CAMKMT: variants seen among roughly 807,000 people sequenced by gnomAD.
CAMKMT encodes CaM KMT.
A neutral mutation model predicts 48.0 loss-of-function variants in CAMKMT; 53 were observed. That is an observed-to-expected ratio of 1.10 (90% CI 0.89 to 1.39). The LOEUF (loss-of-function observed/expected upper bound fraction) is 1.39, where lower values mean the gene tolerates loss of function less well. Among genes scored for constraint, CAMKMT ranks in the 40% most tolerant of loss-of-function variants. CAMKMT has a pLI of 0.00. For synonymous variants in CAMKMT, 165 were observed against 152.3 expected, an observed-to-expected ratio of 1.08 and a Z score of -0.61; for missense variants, 428 against 402.7, an observed-to-expected ratio of 1.06 and a Z score of -0.54.
At chr2:44,732,420 A>G (rs1404092154) in intron 7 of CAMKMT, among the ~76,000 whole-genome samples, 2 of 152,380 alleles carry the variant, frequency 1.3e-5, no homozygotes, top group South Asian at 4.1e-4. Context: ...GTGTCAGTGT[A>G]ATTACAAGCA....
chr2:44,424,821 C>G (rs1039995197), intron 3 of CAMKMT, among the ~76,000 whole-genome samples: 1 of 152,132 alleles, frequency 6.6e-6, no homozygotes, highest in African/African-American at 2.4e-5. Flanking sequence ...GTGTATACTG[C>G]TCGGGTGATG....
At chr2:44,547,667 C>T (rs1308057651) in intron 3 of CAMKMT, among the ~76,000 whole-genome samples, 1 of 152,120 alleles carries the variant, frequency 6.6e-6, no homozygotes, top group East Asian at 1.9e-4. Flanking sequence ...GTCTGGAATA[C>T]CCAGGTTCAA....
In CAMKMT at chr2:44,448,400, T is replaced by A. The variant is rs1667117673; in HGVS notation, c.376+58095T>A. 2.0e-5 allele frequency among the ~76,000 whole-genome samples: 3 copies of A among 152,356 alleles called. No individual in the cohort carries two copies. The South Asian group carries it at 6.2e-4, about 32-fold the overall frequency. On this transcript the variant is annotated intron_variant, in intron 3 of 10. Transcript: ENST00000378494. ...TACCTGTCCACTTCCCTAGAGGGTC[T>A]TCAATTCTGTACTACAATAAATGGT... is the stretch of plus-strand genomic sequence containing the variant.
intron 3 of CAMKMT, among the ~76,000 whole-genome samples, chr2:44,616,561 G>T (rs1417768014): frequency 2.0e-5 from 3 of 151,902 alleles, no homozygotes; most frequent in African/African-American, 7.3e-5. Context: ...ACCAGAAAAG[G>T]TGATCATTTC....
chr2:44,700,677 T>G (rs1211945669), intron 3 of CAMKMT, among the ~76,000 whole-genome samples: 2 of 152,122 alleles, frequency 1.3e-5, no homozygotes, highest in Non-Finnish European at 2.9e-5. Flanking sequence ...CCAAAACAAT[T>G]ACCATAGTAA....
chr2:44,591,258 A>C (rs1169804980), intron 3 of CAMKMT, among the ~76,000 whole-genome samples: 3 of 152,066 alleles, frequency 2.0e-5, no homozygotes, highest in Non-Finnish European at 4.4e-5. Context: ...GTTCCATATG[A>C]ACTTTAAAGT....
At chr2:44,606,554 A>G (rs6759187) in intron 3 of CAMKMT, among the ~76,000 whole-genome samples, 2 of 152,078 alleles carry the variant, frequency 1.3e-5, no homozygotes, top group African/African-American at 4.8e-5. Flanking sequence ...AGAAGATGAT[A>G]TGGTGAGCTT....
chr2:44,591,566 G>A (rs1670276433), intron 3 of CAMKMT, among the ~76,000 whole-genome samples: 1 of 152,160 alleles, frequency 6.6e-6, no homozygotes, highest in African/African-American at 2.4e-5. Context: ...GTCTGTTATT[G>A]GTGCTGGAGA....
At chr2:44,714,458 G>A (rs1225241406) in intron 6 of CAMKMT, among the ~76,000 whole-genome samples, 2 of 152,152 alleles carry the variant, frequency 1.3e-5, no homozygotes, top group Non-Finnish European at 2.9e-5. Context: ...AGTCTGTAAA[G>A]ACAGTTCTTC....
intron 3 of CAMKMT, among the ~76,000 whole-genome samples, chr2:44,475,464 C>T (rs1341686844): frequency 6.6e-6 from 1 of 151,936 alleles, no homozygotes; most frequent in Non-Finnish European, 1.5e-5. Flanking sequence ...ATTACAGGTG[C>T]GTGCCACCAC....
intron 3 of CAMKMT, among the ~76,000 whole-genome samples, chr2:44,531,751 T>G (rs1666496272): frequency 1.3e-5 from 2 of 152,206 alleles, no homozygotes; most frequent in Non-Finnish European, 2.9e-5. Flanking sequence ...GATAAACCTT[T>G]GAATCTCATG....
chr2:44,665,577 G>A (rs1674921609), intron 3 of CAMKMT, among the ~76,000 whole-genome samples: 1 of 152,170 alleles, frequency 6.6e-6, no homozygotes, highest in African/African-American at 2.4e-5. Flanking sequence ...TTCCTGGATG[G>A]TTGATCAGAT....
intron 3 of CAMKMT, among the ~76,000 whole-genome samples, chr2:44,403,861 TA>T (rs1415104124): frequency 6.6e-6 from 1 of 152,216 alleles, no homozygotes; most frequent in East Asian, 1.9e-4. Context: ...TGTATTGAGA[TA>T]AATCACCAAG....
intron 8 of CAMKMT, among the ~76,000 whole-genome samples, 171 bp downstream of exon 8, chr2:44,743,867 C>G (rs557179616): frequency 6.6e-6 from 1 of 152,330 alleles, no homozygotes; most frequent in South Asian, 2.1e-4. Flanking sequence ...AGGTAGTCTT[C>G]TATCACACAG....
intron 3 of CAMKMT, among the ~76,000 whole-genome samples, chr2:44,460,666 T>G (rs1667799691): frequency 6.6e-6 from 1 of 151,348 alleles, no homozygotes; most frequent in South Asian, 2.1e-4. Flanking sequence ...ACAGGGGAGG[T>G]AATAAACTAG....
intron 3 of CAMKMT, among the ~76,000 whole-genome samples, chr2:44,630,638 A>T (rs1183631564): frequency 1.3e-5 from 2 of 152,012 alleles, no homozygotes; most frequent in Non-Finnish European, 2.9e-5. Context: ...CAAAAAACAC[A>T]TGAAAAAATG....
intron 3 of CAMKMT, among the ~76,000 whole-genome samples, chr2:44,409,863 A>G (rs561711115): frequency 8.5e-5 from 13 of 152,276 alleles, no homozygotes; most frequent in Non-Finnish European, 1.6e-4. Flanking sequence ...CAGTTAACCA[A>G]TATTTACCAT....
chr2:44,544,955 G>A (rs1011623751), intron 3 of CAMKMT, among the ~76,000 whole-genome samples: 1 of 152,150 alleles, frequency 6.6e-6, no homozygotes, highest in African/African-American at 2.4e-5. Flanking sequence ...GAATAATTTT[G>A]TTTAATTTTC....
At chr2:44,727,826 G>T (rs991491850) in intron 7 of CAMKMT, among the ~76,000 whole-genome samples, 2 of 152,144 alleles carry the variant, frequency 1.3e-5, no homozygotes, top group African/African-American at 4.8e-5. Context: ...AAGGGATGTT[G>T]GAGTTTATCA....
Sources: allele counts gnomAD v4.1 joint callset (sites outside exome capture counted in the v4.1 genomes callset), GRCh38; gene constraint gnomAD v4.1.1; transcripts MANE v1.5; gene names NCBI Gene and HGNC (gene_info 2026-07-23, HGNC 2026-07-21).